The following SLC10A7 variants were observed in gnomAD, a reference collection of about 807,000 sequenced individuals.
SLC10A7 encodes sodium/bile acid cotransporter 7.
SLC10A7 carries 29 observed loss-of-function variants against 43.2 expected under a neutral mutation model. The ratio of observed to expected loss-of-function variants is 0.67; its 90% CI spans 0.50 to 0.92. SLC10A7 has a LOEUF of 0.92. SLC10A7 is among the 40% of genes least tolerant of loss of function. The pLI is 0.00. For missense variants in SLC10A7, 295 were observed against 403.2 expected (o/e 0.73, Z 2.30); for synonymous variants, 152 against 144.8 (o/e 1.05, Z -0.35).
chr4:146,402,700 A>G (rs994271542), intron 5 of SLC10A7, among the ~76,000 whole-genome samples: 4 of 152,220 alleles, frequency 2.6e-5, no homozygotes, highest in Non-Finnish European at 5.9e-5. Context: ...ACTTGGGAAT[A>G]ATATAGGCTA....
intron 4 of SLC10A7, among the ~76,000 whole-genome samples, chr4:146,458,360 A>G (rs1203760444): frequency 2.0e-5 from 3 of 151,754 alleles, no homozygotes; most frequent in Non-Finnish European, 3.0e-5. Flanking sequence ...CTGACATCAT[A>G]CCTAACTGTA....
chr4:146,465,129 C>A (rs1052707780), intron 4 of SLC10A7, among the ~76,000 whole-genome samples: 3 of 152,072 alleles, frequency 2.0e-5, no homozygotes, highest in Non-Finnish European at 4.4e-5. Flanking sequence ...TATCAGACAG[C>A]CACTGTGCGT....
At chr4:146,494,154 G>T (rs1735690862) in intron 4 of SLC10A7, among the ~76,000 whole-genome samples, 1 of 152,134 alleles carries the variant, frequency 6.6e-6, no homozygotes, top group Non-Finnish European at 1.5e-5. Context: ...TGAGATCCTT[G>T]TAAGCAATCC....
At position 146,414,781 on chromosome 4, in the gene SLC10A7, G is replaced by A. The variant is rs114893059; in HGVS notation, c.435+28002C>T. ...AGAGCTTACACAGACATCTGTTCAT[G>A]ACTTTTATAAAAACCTATGCATTAC... On this transcript the variant is annotated intron_variant, in intron 5 of 11. Transcript: ENST00000335472. 5.6e-3 allele frequency among the ~76,000 whole-genome samples: 845 copies of A among 150,578 alleles called. 4 individuals are homozygous for A. Among genetic ancestry groups the A allele is most frequent in the African/African-American group, 0.02 (805 of 41,056 alleles).
At chr4:146,339,902 T>C (rs1380876295) in intron 5 of SLC10A7, among the ~76,000 whole-genome samples, 2 of 151,590 alleles carry the variant, frequency 1.3e-5, no homozygotes, top group Non-Finnish European at 2.9e-5. Flanking sequence ...GGTGGTCTGC[T>C]GCACCTATCA....
Position 146,330,537 on chromosome 4 carries a change from T to A in SLC10A7, c.436-4541A>T, listed in dbSNP as rs961427783. Among the ~76,000 whole-genome samples, 33 of 152,188 alleles carry A rather than the reference T, an allele frequency of 2.2e-4. 1 individual carries two copies. Among genetic ancestry groups the A allele is most frequent in the Non-Finnish European group, 2.9e-5 (2 of 68,026 alleles). ...TCTCTCTGTCTCCCTCACGTCCTTA[T>A]ATAACGCTGAAACCTACTTTTCAGT... On this transcript the variant is annotated intron_variant, in intron 5 of 11. Transcript: ENST00000335472.
chr4:146,341,147 G>A (rs765288118), intron 5 of SLC10A7, among the ~76,000 whole-genome samples: 1 of 151,830 alleles, frequency 6.6e-6, no homozygotes, highest in Non-Finnish European at 1.5e-5. Context: ...TATATGTAAT[G>A]AGTAATTAGC....
intron 3 of SLC10A7, 54 bp from the exon 4 acceptor site, chr4:146,503,978 T>C: frequency 7.2e-7 from 1 of 1,387,562 alleles, no homozygotes; most frequent in Non-Finnish European, 1.0e-6. Context: ...ATAGACAGCT[T>C]TCACTACATT....
At chr4:146,483,711 C>A (rs2149991099) in intron 4 of SLC10A7, among the ~76,000 whole-genome samples, 1 of 152,028 alleles carries the variant, frequency 6.6e-6, no homozygotes, top group Admixed American at 6.5e-5. Flanking sequence ...GATCCAGCTA[C>A]ATGCTGCCTA....
chr4:146,453,827 A>G (rs11944523), intron 4 of SLC10A7, among the ~76,000 whole-genome samples: 38,804 of 151,834 alleles, frequency 0.26, 5,079 homozygotes, highest in South Asian at 0.34. Context: ...ACCTTTTAAC[A>G]CTTTTAAAGC....
At chr4:146,299,955 G>A (rs1731051513) in intron 7 of SLC10A7, among the ~76,000 whole-genome samples, 1 of 152,160 alleles carries the variant, frequency 6.6e-6, no homozygotes, top group South Asian at 2.1e-4. Flanking sequence ...GACAGGTCAT[G>A]GAATCTGAGC....
At chr4:146,462,275 T>A (rs759069683) in intron 4 of SLC10A7, among the ~76,000 whole-genome samples, 5 of 152,130 alleles carry the variant, frequency 3.3e-5, no homozygotes, top group Admixed American at 6.6e-5. Flanking sequence ...AGTAAAATCA[T>A]AGCTGATGTT....
intron 4 of SLC10A7, among the ~76,000 whole-genome samples, chr4:146,472,540 C>G (rs1211463694): frequency 1.3e-5 from 2 of 151,212 alleles, no homozygotes; most frequent in Non-Finnish European, 2.9e-5. Context: ...GGGAACCCAG[C>G]TGGGATAGGA....
Position 146,442,869 on chromosome 4 carries a change from G to T in SLC10A7, c.397-48C>A, listed in dbSNP as rs143312055. 1.7e-3 allele frequency: 2,103 copies of T among 1,262,214 alleles called. 52 individuals carry two copies. In the Admixed American group the frequency reaches 0.045, roughly 27 times the overall value. 78.2% of individuals were successfully genotyped at this position (1,262,214 alleles called of 1,614,324 possible). Reference sequence around the variant, plus strand: ...AAAAAAACTCATTGAAAGTAAATAAGAATAATAAAGCCAAAGATTATCATT... The same window carrying T: ...AAAAAAACTCATTGAAAGTAAATAATAATAATAAAGCCAAAGATTATCATT... On this transcript the variant is annotated intron_variant, in intron 4 of 11. Coordinates refer to ENST00000335472, the MANE Select transcript of SLC10A7 (RefSeq NM_001029998.6).
intron 5 of SLC10A7, among the ~76,000 whole-genome samples, chr4:146,350,082 G>A (rs2357078): frequency 0.44 from 65,969 of 150,302 alleles, 15,013 homozygotes; most frequent in Admixed American, 0.55. Flanking sequence ...CGTGAGCGAC[G>A]CAGAAGACGG....
intron 8 of SLC10A7, 122 bp downstream of exon 8, chr4:146,293,808 T>C (rs1730601570): frequency 1.8e-6 from 1 of 565,336 alleles, no homozygotes; most frequent in Non-Finnish European, 2.9e-6. Context: ...AAATGTAAAA[T>C]AAAATTAAGC....
intron 4 of SLC10A7, among the ~76,000 whole-genome samples, chr4:146,491,738 A>AG (rs1238146523): frequency 6.7e-6 from 1 of 149,118 alleles, no homozygotes; most frequent in Non-Finnish European, 1.5e-5. Context: ...GAAGGAAGGA[A>AG]GGAAGGAAAT....
At chr4:146,271,171 G>A (rs1346452143) in intron 10 of SLC10A7, among the ~76,000 whole-genome samples, 1 of 152,166 alleles carries the variant, frequency 6.6e-6, no homozygotes, top group Non-Finnish European at 1.5e-5. Context: ...TCCATAGCCT[G>A]CAAACTTCAG....
intron 5 of SLC10A7, among the ~76,000 whole-genome samples, chr4:146,436,645 C>A (rs61070439): frequency 1.3e-5 from 2 of 151,964 alleles, no homozygotes; most frequent in Non-Finnish European, 2.9e-5. Context: ...AGGACATGTG[C>A]ACAGAGAATT....
Sources: gnomAD v4.1 joint callset for allele counts (sites outside exome capture counted in the v4.1 genomes callset) on GRCh38, gnomAD v4.1.1 for gene constraint, MANE v1.5 for transcripts, NCBI Gene and HGNC (gene_info 2026-07-23, HGNC 2026-07-21) for gene names.